Variants in NRXN3 observed in about 807,000 individuals in gnomAD.
The protein encoded by NRXN3 is neurexin 3.
Under a neutral mutation model 137.6 loss-of-function variants are expected in NRXN3, and 32 were observed. The ratio of observed to expected loss-of-function variants is 0.23; its 90% CI spans 0.18 to 0.31. The LOEUF is 0.31. Among genes scored for constraint, NRXN3 ranks in the 10% least tolerant of loss-of-function variants. The pLI is 1.00. For synonymous variants in NRXN3, 798 were observed against 784.5 expected, an observed-to-expected ratio of 1.02 and a Z score of -0.29; for missense variants, 1,574 against 2,062.5, an observed-to-expected ratio of 0.76 and a Z score of 4.59.
intron 15 of NRXN3, among the ~76,000 whole-genome samples, chr14:79,319,465 A>G (rs541414641): frequency 2.9e-4 from 44 of 152,362 alleles, no homozygotes; most frequent in African/African-American, 1.0e-3. Flanking sequence ...GAGAGCTTTT[A>G]GAAAGAGAAA....
At chr14:78,638,059 A>G (rs2097582075) in intron 4 of NRXN3, among the ~76,000 whole-genome samples, 1 of 152,234 alleles carries the variant, frequency 6.6e-6, no homozygotes, top group Non-Finnish European at 1.5e-5. Context: ...GGACGGAGGC[A>G]GCTTCCCTCA....
chr14:79,619,103 G>A (rs981725914), intron 16 of NRXN3, among the ~76,000 whole-genome samples: 26 of 151,796 alleles, frequency 1.7e-4, no homozygotes, highest in Admixed American at 1.6e-3. Context: ...CTAGATATTA[G>A]GTGTATTTTA....
At chr14:78,437,361 A>C (rs7493994) in intron 4 of NRXN3, among the ~76,000 whole-genome samples, 2 of 102,040 alleles carry the variant, frequency 2.0e-5, no homozygotes, top group South Asian at 3.1e-4. Flanking sequence ...TTTTTTTTTT[A>C]TTTTTGAGAC....
chr14:78,772,736 C>T (rs1172481315), intron 8 of NRXN3, among the ~76,000 whole-genome samples: 4 of 152,070 alleles, frequency 2.6e-5, no homozygotes, highest in African/African-American at 9.7e-5. Context: ...CAGGGAATTC[C>T]AGTGCTGCTA....
intron 4 of NRXN3, among the ~76,000 whole-genome samples, chr14:78,408,756 G>A (rs756400091): frequency 2.4e-4 from 37 of 152,220 alleles, no homozygotes; most frequent in Non-Finnish European, 4.7e-4. Flanking sequence ...GAAGGAGAGG[G>A]AATTCCTGGT....
intron 10 of NRXN3, among the ~76,000 whole-genome samples, chr14:78,947,750 G>C (rs1326525031): frequency 6.6e-6 from 1 of 152,218 alleles, no homozygotes; most frequent in African/African-American, 2.4e-5. Flanking sequence ...TGCCCTGAGT[G>C]CTGACAGCAG....
chr14:78,662,824 T>A (rs1602074005), intron 6 of NRXN3, among the ~76,000 whole-genome samples: 1 of 152,206 alleles, frequency 6.6e-6, no homozygotes, highest in Non-Finnish European at 1.5e-5. Context: ...TCCCAGCCAC[T>A]ATCATCACCT....
chr14:79,021,039 T>A (rs2152443908), intron 15 of NRXN3, among the ~76,000 whole-genome samples: 1 of 152,322 alleles, frequency 6.6e-6, no homozygotes, highest in African/African-American at 2.4e-5. Flanking sequence ...TAGATTCAGG[T>A]AATACCACAG....
intron 4 of NRXN3, among the ~76,000 whole-genome samples, chr14:78,504,941 A>T (rs1363675101): frequency 6.6e-6 from 1 of 152,090 alleles, no homozygotes; most frequent in East Asian, 1.9e-4. Context: ...CCCACCCCTC[A>T]GCAACTCCCT....
chr14:79,118,155 GAA>G (rs761184450), intron 15 of NRXN3, among the ~76,000 whole-genome samples: 20 of 117,806 alleles, frequency 1.7e-4, no homozygotes, highest in Non-Finnish European at 2.0e-4. Flanking sequence ...ATACATGAGG[GAA>G]AAAAAAAAAA....
intron 4 of NRXN3, chr14:78,403,771 A>G: frequency 1.0e-6 from 1 of 985,462 alleles, no homozygotes; most frequent in Non-Finnish European, 1.2e-6. Context: ...GGCTTGAGGA[A>G]TGTGGTGGTC....
rs148851314 is a variant in NRXN3 at position 78,717,504 on chromosome 14, C to T, written c.2044+2365C>T. Among the ~76,000 whole-genome samples the T allele has an allele frequency of 5.5e-3, 830 of 152,166 alleles. 4 individuals carry two copies. Among genetic ancestry groups the T allele is most frequent in the African/African-American group, 0.019 (777 of 41,534 alleles). ...TTGTTCCCCTACTAATTGTTTTTTG[C>T]CCCTGGATTGTTCCTGACACCATGT... On this transcript the variant is annotated intron_variant, in intron 8 of 20. Coordinates refer to ENST00000335750, the MANE Select transcript of NRXN3 (RefSeq NM_001330195.2).
At chr14:78,947,251 A>T (rs2099367307) in intron 10 of NRXN3, among the ~76,000 whole-genome samples, 2 of 152,180 alleles carry the variant, frequency 1.3e-5, no homozygotes, top group Admixed American at 1.3e-4. Flanking sequence ...AGGCCTTGTA[A>T]TTACCATGCC....
At chr14:79,087,064 G>A (rs1416753157) in intron 15 of NRXN3, among the ~76,000 whole-genome samples, 1 of 152,070 alleles carries the variant, frequency 6.6e-6, no homozygotes, top group Non-Finnish European at 1.5e-5. Flanking sequence ...CCCAGAAGTG[G>A]CCAACCTGAA....
intron 16 of NRXN3, among the ~76,000 whole-genome samples, chr14:79,540,646 C>T (rs1222083693): frequency 6.6e-6 from 1 of 152,002 alleles, no homozygotes; most frequent in Non-Finnish European, 1.5e-5. Flanking sequence ...AGTAAAATAG[C>T]CTGGATCAAG....
intron 4 of NRXN3, among the ~76,000 whole-genome samples, chr14:78,417,522 T>C (rs1401497267): frequency 6.6e-6 from 1 of 152,246 alleles, no homozygotes; most frequent in Non-Finnish European, 1.5e-5. Context: ...GTAGCTCTAC[T>C]ACTAGATGGA....
intron 4 of NRXN3, among the ~76,000 whole-genome samples, chr14:78,448,108 A>G (rs2094463789): frequency 6.6e-6 from 1 of 152,096 alleles, no homozygotes; most frequent in Non-Finnish European, 1.5e-5. Flanking sequence ...GACCTCCCCA[A>G]CCATAATAAT....
At chr14:78,877,041 C>T (rs2099115575) in intron 10 of NRXN3, among the ~76,000 whole-genome samples, 1 of 152,202 alleles carries the variant, frequency 6.6e-6, no homozygotes, top group African/African-American at 2.4e-5. Context: ...AAAGATTCTT[C>T]TTCACTTGGT....
chr14:78,413,978 A>T (rs573696317), intron 4 of NRXN3, among the ~76,000 whole-genome samples: 2 of 152,220 alleles, frequency 1.3e-5, no homozygotes, highest in East Asian at 3.9e-4. Flanking sequence ...TATGAGATCT[A>T]GTCGTTTTAT....
Sources: gnomAD v4.1 joint callset for allele counts (sites outside exome capture counted in the v4.1 genomes callset) on GRCh38, gnomAD v4.1.1 for gene constraint, MANE v1.5 for transcripts, NCBI Gene and HGNC (gene_info 2026-07-23, HGNC 2026-07-21) for gene names.